The following KLF3 variants were observed in gnomAD, a reference collection of about 807,000 sequenced individuals.
KLF3 encodes the protein KLF transcription factor 3, also known as Krueppel-like factor 3.
A neutral mutation model predicts 32.7 loss-of-function variants in KLF3; 6 were observed. The ratio of observed to expected loss-of-function variants is 0.18; its 90% CI spans 0.10 to 0.36. The LOEUF is 0.36. KLF3 is among the 10% of genes least tolerant of loss of function. KLF3 has a pLI of 1.00. For missense variants in KLF3, 338 were observed against 449.7 expected, an observed-to-expected ratio of 0.75 and a Z score of 2.25; for synonymous variants, 145 against 172.8, an observed-to-expected ratio of 0.84 and a Z score of 1.26.
In KLF3 at chr4:38,688,824, T is replaced by G; in HGVS notation, c.297T>G (p.Ser99=). The part of the protein sequence containing the change: ...RRASPGLSMP[S]SSPPIKKYSP... ...CCTCGCCTGGGTTGAGCATGCCTTC[T>G]TCCAGCCCACCGATAAAAAAATACT... The change falls in exon 3 of 6, where the codon TCT becomes TCG. Residue 99 remains serine (S), a synonymous_variant. Transcript: ENST00000261438. This position sits in a 1 kb window ranked among gnomAD's most constrained non-coding sequence, Gnocchi z 4.9. 1 of 1,614,220 alleles carries G rather than the reference T, an allele frequency of 6.2e-7. No homozygotes were observed. Among genetic ancestry groups the G allele is most frequent in the African/African-American group, 1.3e-5 (1 of 75,048 alleles).
At chr4:38,690,626 T>TA (rs1722849099) in intron 4 of KLF3, 1 of 152,226 alleles carries the variant, frequency 6.6e-6, no homozygotes, top group African/African-American at 2.4e-5. Flanking sequence ...TGTCTTGTGT[T>TA]ATGGTGCTTC....
chr4:38,666,241 T>C (rs1722035660), intron 1 of KLF3, among the ~76,000 whole-genome samples: 1 of 152,234 alleles, frequency 6.6e-6, no homozygotes, highest in Non-Finnish European at 1.5e-5. Flanking sequence ...GAAAAGTAAC[T>C]GCTTAGACCA....
rs2109240401 is a variant in KLF3, at chr4:38,674,254, G to A, written c.-39-6333G>A. 6.6e-6 allele frequency among the ~76,000 whole-genome samples: 1 copy of A among 152,254 alleles called. No homozygotes were observed. The highest frequency in any genetic ancestry group is 3.4e-3 in the Middle Eastern group (1 of 294). On this transcript the variant is annotated intron_variant, in intron 1 of 5. Coordinates refer to ENST00000261438, the MANE Select transcript of KLF3 (RefSeq NM_016531.6). The surrounding 1 kb of genome is among the most constrained non-coding windows in gnomAD (Gnocchi z 4.1). Reference sequence around the variant, plus strand: ...TGCTGACATCTGTTGCCTGTCCCCTGTATTTCTGGCTAGGGCAACTGTCCT... The same window carrying A: ...TGCTGACATCTGTTGCCTGTCCCCTATATTTCTGGCTAGGGCAACTGTCCT...
At chr4:38,689,972 G>A in intron 4 of KLF3, 93 bp downstream of exon 4, 3 of 1,321,926 alleles carry the variant, frequency 2.3e-6, no homozygotes, top group Middle Eastern at 1.9e-4. Context: ...GTGATGTGGT[G>A]TGGATGACCA....
In KLF3 at chr4:38,701,447, T is replaced by C. The variant is rs1723188752; in HGVS notation, c.*4184T>C. The stretch of plus-strand genomic sequence containing the variant: ...CTTTTAGAGTAAAATATCAAGACTC[T>C]CATGTTGGGGAGTGGGGAACGAGGA... On this transcript the variant is annotated 3_prime_UTR_variant, in exon 6 of 6. Transcript: ENST00000261438. 6.6e-6 allele frequency among the ~76,000 whole-genome samples: 1 copy of C among 152,208 alleles called. No homozygotes were observed. The highest frequency in any genetic ancestry group is 1.5e-5 in the Non-Finnish European group (1 of 68,042).
chr4:38,689,636 A>G, intron 3 of KLF3, 93 bp from the exon 4 acceptor site: 5 of 869,814 alleles, frequency 5.7e-6, no homozygotes, highest in Non-Finnish European at 8.8e-6. Context: ...AACCTGTCAT[A>G]TCTGTGTTGT....
chr4:38,673,245 C>T (rs1032390946), intron 1 of KLF3, among the ~76,000 whole-genome samples: 1 of 152,126 alleles, frequency 6.6e-6, no homozygotes, highest in Non-Finnish European at 1.5e-5. Flanking sequence ...GGCTGCTGCC[C>T]AGCGCCAACT....
rs145904829 is a variant in KLF3, at chr4:38,667,944, A to G, written c.-40+3483A>G. 9.8e-4 allele frequency among the ~76,000 whole-genome samples: 149 copies of G among 151,806 alleles called. 1 individual carries two copies. Among genetic ancestry groups the G allele is most frequent in the African/African-American group, 2.8e-3 (117 of 41,548 alleles). ...ATCCCGGGATTATTTCTTTTTAAGG[A>G]CAAAGATTTAAATATCAGGATAATG... On this transcript the variant is annotated intron_variant, in intron 1 of 5. Coordinates refer to ENST00000261438, the MANE Select transcript of KLF3 (RefSeq NM_016531.6).
intron 4 of KLF3, among the ~76,000 whole-genome samples, chr4:38,691,696 T>A (rs991924043): frequency 1.2e-4 from 19 of 152,374 alleles, no homozygotes; most frequent in Middle Eastern, 3.4e-3. Flanking sequence ...GTAATATGCT[T>A]ATTTTAATGC....
chr4:38,672,083 G>T lies in KLF3; in HGVS notation c.-40+7622G>T, dbSNP rs949022055. Among the ~76,000 whole-genome samples, 7 of 152,192 alleles carry T rather than the reference G, an allele frequency of 4.6e-5. No homozygotes were observed. The South Asian group carries it at 1.4e-3, about 32-fold the overall frequency. ...AGTACACATGATGGGCCAGGCTAAG[G>T]TTAGGGGCAATAACTTTTCCTTAGG... On this transcript the variant is annotated intron_variant, in intron 1 of 5. Coordinates refer to ENST00000261438, the MANE Select transcript of KLF3 (RefSeq NM_016531.6).
At position 38,701,148 on chromosome 4, in the gene KLF3, G is replaced by T. The variant is rs961191782; in HGVS notation, c.*3885G>T. On this transcript the variant is annotated 3_prime_UTR_variant, in exon 6 of 6. Coordinates refer to ENST00000261438, the MANE Select transcript of KLF3 (RefSeq NM_016531.6). ...TTACTTACTCTGATGGGCAGTTATT[G>T]TTGATGGAGGGACAGAAAAATAGAT... 7.9e-5 allele frequency: 12 copies of T among 152,192 alleles called. No individual in the cohort carries two copies. Among genetic ancestry groups the T allele is most frequent in the African/African-American group, 2.9e-4 (12 of 41,434 alleles). The allele number at this position is 152,192 out of a possible 1,614,324, so 9.4% of individuals were successfully genotyped here.
intron 2 of KLF3, among the ~76,000 whole-genome samples, chr4:38,682,321 A>C (rs2109246721): frequency 6.6e-6 from 1 of 152,338 alleles, no homozygotes; most frequent in South Asian, 2.1e-4. Flanking sequence ...AGCCTCCCAA[A>C]GTGCTGGGAT....
intron 2 of KLF3, among the ~76,000 whole-genome samples, chr4:38,682,460 T>A (rs185135183): frequency 1.3e-5 from 2 of 152,336 alleles, no homozygotes; most frequent in East Asian, 3.9e-4. Flanking sequence ...AAAATGAAGG[T>A]ATAAAATTTC....
At position 38,699,090 on chromosome 4, in the gene KLF3, C is replaced by T. The variant is rs1283672853; in HGVS notation, c.*1827C>T. Reference sequence around the variant, plus strand: ...AAGAGGCTAAGAGGTCCCACTCATCCGCCCTGTGAACCAGCTGTAAAGAAA... The same window carrying T: ...AAGAGGCTAAGAGGTCCCACTCATCTGCCCTGTGAACCAGCTGTAAAGAAA... On this transcript the variant is annotated 3_prime_UTR_variant, in exon 6 of 6. Coordinates refer to ENST00000261438, the MANE Select transcript of KLF3 (RefSeq NM_016531.6). 3.3e-5 allele frequency: 5 copies of T among 152,150 alleles called. No individual in the cohort carries two copies. Among genetic ancestry groups the T allele is most frequent in the African/African-American group, 7.2e-5 (3 of 41,420 alleles). 9.4% of individuals were successfully genotyped at this position (152,150 alleles called of 1,614,324 possible). A position where few individuals can be genotyped will look rare whatever the true frequency, so the allele number is the denominator to read the frequency against.
At chr4:38,687,171 G>T (rs187037618) in intron 2 of KLF3, among the ~76,000 whole-genome samples, 3 of 152,344 alleles carry the variant, frequency 2.0e-5, no homozygotes, top group Admixed American at 2.0e-4. Flanking sequence ...GGGTTTTAGA[G>T]CTGGAAGAGA....
At chr4:38,676,964 T>G (rs2109242440) in intron 1 of KLF3, among the ~76,000 whole-genome samples, 1 of 150,678 alleles carries the variant, frequency 6.6e-6, no homozygotes, top group African/African-American at 2.4e-5. Flanking sequence ...GTGTTTTTTT[T>G]TTTTTTTTTT....
chr4:38,694,003 G>A (rs893930014), intron 4 of KLF3, among the ~76,000 whole-genome samples: 3 of 152,128 alleles, frequency 2.0e-5, no homozygotes, highest in South Asian at 2.1e-4. Flanking sequence ...TGGGGGAGCC[G>A]GCACCACGTG....
Position 38,697,331 on chromosome 4 carries a change from T to C in KLF3, c.*68T>C. Reference sequence around the variant, plus strand: ...GCTCTCTCTCTGTCCTGCCTCCCATTATCTAACACATTTTTTACATGTACA... The same window carrying C: ...GCTCTCTCTCTGTCCTGCCTCCCATCATCTAACACATTTTTTACATGTACA... On this transcript the variant is annotated 3_prime_UTR_variant, in exon 6 of 6. Transcript: ENST00000261438. 1 of 1,334,574 alleles carries C rather than the reference T, an allele frequency of 7.5e-7. No homozygotes were observed. The highest frequency in any genetic ancestry group is 1.0e-6 in the Non-Finnish European group (1 of 972,742). 82.7% of individuals were successfully genotyped at this position (1,334,574 alleles called of 1,614,324 possible). A position where few individuals can be genotyped will look rare whatever the true frequency, so the allele number is the denominator to read the frequency against.
chr4:38,678,392 C>CT (rs1348909381), intron 1 of KLF3, among the ~76,000 whole-genome samples: 1 of 152,196 alleles, frequency 6.6e-6, no homozygotes, highest in Non-Finnish European at 1.5e-5. Context: ...ACGAAATCAT[C>CT]TATTTTTCAC....
Sources: gnomAD v4.1 joint callset for allele counts (sites outside exome capture counted in the v4.1 genomes callset) on GRCh38, gnomAD v4.1.1 for gene constraint, Gnocchi (gnomAD v3.1) non-coding constraint, MANE v1.5 for transcripts, NCBI Gene and HGNC (gene_info 2026-07-23, HGNC 2026-07-21) for gene names.